PIAS2: variants seen among roughly 807,000 people sequenced by gnomAD.
PIAS2 encodes E3 SUMO-protein ligase PIAS2.
In PIAS2, 19 loss-of-function variants were observed where a neutral mutation model predicts 69.7. That is an observed-to-expected ratio of 0.27 (90% CI 0.19 to 0.40). The LOEUF is 0.40. PIAS2 is among the 10% of genes least tolerant of loss of function. The pLI, the probability that PIAS2 is intolerant of heterozygous loss-of-function variation, is 1.00. For synonymous variants in PIAS2, 261 were observed against 263.2 expected (o/e 0.99, Z 0.08); for missense variants, 624 against 757.0 (o/e 0.82, Z 2.06).
At chr18:46,875,792 C>T (rs1183910563) in intron 2 of PIAS2, among the ~76,000 whole-genome samples, 3 of 152,274 alleles carry the variant, frequency 2.0e-5, no homozygotes, top group East Asian at 1.9e-4. Context: ...TTGTGCGCAC[C>T]GCAGGCCAGA....
At chr18:46,857,339 C>T (rs949117552) in intron 3 of PIAS2, among the ~76,000 whole-genome samples, 1 of 152,074 alleles carries the variant, frequency 6.6e-6, no homozygotes, top group Non-Finnish European at 1.5e-5. Context: ...AAATACAACA[C>T]CTAAAATAAA....
Position 46,832,729 on chromosome 18 carries a change from A to G in PIAS2, c.1203-2862T>C, listed in dbSNP as rs185865432. On this transcript the variant is annotated intron_variant, in intron 9 of 13. Coordinates refer to ENST00000585916, the MANE Select transcript of PIAS2 (RefSeq NM_004671.5). ...ACTATGGCGAAACCCCATCTCTACT[A>G]AAGACACAAAAAATTAGCCAAGCGT... Among the ~76,000 whole-genome samples the G allele has an allele frequency of 3.4e-3, 519 of 151,822 alleles. 1 individual carries two copies. The highest frequency in any genetic ancestry group is 0.01 in the Middle Eastern group (3 of 290).
Position 46,845,715 on chromosome 18 carries a change from C to T in PIAS2, c.862-876G>A, listed in dbSNP as rs896616215. The stretch of plus-strand genomic sequence containing the variant: ...ATAAACATCATACTTTTAATAGCTG[C>T]CAAACCAAGTATTTTAAATATTTTT... On this transcript the variant is annotated intron_variant, in intron 6 of 13. Transcript: ENST00000585916. Among the ~76,000 whole-genome samples the T allele has an allele frequency of 4.6e-5, 7 of 151,716 alleles. No individual in the cohort carries two copies. In the East Asian group the frequency reaches 7.7e-4, roughly 17 times the overall value.
intron 1 of PIAS2, among the ~76,000 whole-genome samples, chr18:46,897,857 C>A (rs1409001695): frequency 6.6e-6 from 1 of 151,238 alleles, no homozygotes; most frequent in African/African-American, 2.4e-5. Flanking sequence ...CTAGATAATA[C>A]AAGGCAATAT....
upstream of PIAS2, among the ~76,000 whole-genome samples, chr18:46,918,665 G>A (rs1568958954): frequency 6.6e-6 from 1 of 152,182 alleles, no homozygotes; most frequent in South Asian, 2.1e-4. Context: ...CAGGTGATCC[G>A]CCCGCCTCGG....
chr18:46,902,151 C>A (rs1018609323), intron 1 of PIAS2, among the ~76,000 whole-genome samples: 2 of 151,528 alleles, frequency 1.3e-5, no homozygotes, highest in Non-Finnish European at 2.9e-5. Context: ...AAAAACATCA[C>A]CATTTATAAC....
upstream of PIAS2, among the ~76,000 whole-genome samples, chr18:46,918,599 T>C (rs1182661886): frequency 6.6e-6 from 1 of 152,134 alleles, no homozygotes; most frequent in African/African-American, 2.4e-5. Flanking sequence ...CGATTGTATT[T>C]TTGGTAGAAA....
intron 5 of PIAS2, among the ~76,000 whole-genome samples, chr18:46,854,845 C>T (rs1016984366): frequency 1.3e-5 from 2 of 152,156 alleles, no homozygotes; most frequent in Non-Finnish European, 2.9e-5. Flanking sequence ...ACAGGCCAGG[C>T]CCAGCTAATG....
At position 46,890,568 on chromosome 18, in the gene PIAS2, TCAAA is replaced by T; in HGVS notation, c.499+8_499+11del. ...ATCTTGTTCAGAAGAAACTGAATTC[TCAAA>T]CACTTACCTAAACTCGTGGGCTTGA... On this transcript the variant is annotated splice_region_variant and intron_variant, in intron 2 of 13. Coordinates refer to ENST00000585916, the MANE Select transcript of PIAS2 (RefSeq NM_004671.5). 6.5e-7 allele frequency: 1 copy of T among 1,545,208 alleles called. No homozygotes were observed. Among genetic ancestry groups the T allele is most frequent in the Non-Finnish European group, 8.9e-7 (1 of 1,122,374 alleles).
In PIAS2 at chr18:46,893,955, G is replaced by A. The variant is rs144272228; in HGVS notation, c.25-2901C>T. Among the ~76,000 whole-genome samples the A allele has an allele frequency of 3.5e-4, 53 of 152,074 alleles. No individual in the cohort carries two copies. In the East Asian group the frequency reaches 6.6e-3, roughly 19 times the overall value. The stretch of plus-strand genomic sequence containing the variant: ...AGCCTGACCAACATGGTGAAACCCC[G>A]TCTCTACTAAAATTACAAAAATTAG... On this transcript the variant is annotated intron_variant, in intron 1 of 13. Transcript: ENST00000585916.
chr18:46,868,391 TC>T (rs1295398810), intron 2 of PIAS2, among the ~76,000 whole-genome samples: 1 of 152,078 alleles, frequency 6.6e-6, no homozygotes, highest in African/African-American at 2.4e-5. Context: ...TTCTGTAAGC[TC>T]CCCCTCTTGC....
chr18:46,907,506 A>AG (rs2056765215), intron 1 of PIAS2: 1 of 152,252 alleles, frequency 6.6e-6, no homozygotes, highest in Admixed American at 6.5e-5. Flanking sequence ...CAAACGAAAC[A>AG]GAAAAAAAGG....
At chr18:46,911,788 G>A (rs74340805) in intron 1 of PIAS2, among the ~76,000 whole-genome samples, 8,628 of 152,272 alleles carry the variant, frequency 0.057, 533 homozygotes, top group African/African-American at 0.15. Flanking sequence ...GCTCATGCCT[G>A]TAATCCCACC....
At chr18:46,827,899 C>A in intron 11 of PIAS2, 60 bp downstream of exon 11, 1 of 1,378,372 alleles carries the variant, frequency 7.3e-7, no homozygotes, top group Non-Finnish European at 1.0e-6. Flanking sequence ...ATTTATAAAT[C>A]TATCCAAGAG....
At chr18:46,835,305 C>T (rs541628853) in intron 9 of PIAS2, among the ~76,000 whole-genome samples, 1 of 152,256 alleles carries the variant, frequency 6.6e-6, no homozygotes, top group Admixed American at 6.5e-5. Flanking sequence ...ATGGGAGGTT[C>T]TTTGTGCTAG....
At position 46,862,342 on chromosome 18, in the gene PIAS2, A is replaced by C. The variant is rs140685129; in HGVS notation, c.584+1822T>G. ...AGAGCGAGACTCTGTCTCAAAAAAA[A>C]AATTATGTAATTAAGTACAGAATTT... On this transcript the variant is annotated intron_variant, in intron 3 of 13. Transcript: ENST00000585916. 3.1e-4 allele frequency among the ~76,000 whole-genome samples: 47 copies of C among 152,314 alleles called. No homozygotes were observed. The East Asian group carries it at 8.1e-3, about 26-fold the overall frequency.
intron 1 of PIAS2, among the ~76,000 whole-genome samples, chr18:46,903,936 T>A (rs1418529031): frequency 6.6e-6 from 1 of 152,208 alleles, no homozygotes; most frequent in Non-Finnish European, 1.5e-5. Flanking sequence ...TTTCCAGAAT[T>A]ATGCTGAATG....
At chr18:46,873,830 A>G (rs2050741115) in intron 2 of PIAS2, among the ~76,000 whole-genome samples, 1 of 152,160 alleles carries the variant, frequency 6.6e-6, no homozygotes, top group South Asian at 2.1e-4. Context: ...CAAATAGCCA[A>G]ACAAGCTGCC....
chr18:46,905,740 G>A (rs1353167689), intron 1 of PIAS2: 1 of 152,096 alleles, frequency 6.6e-6, no homozygotes, highest in Non-Finnish European at 1.5e-5. Flanking sequence ...ACTAAAACAG[G>A]TTTGAAACTT....
Sources: allele counts gnomAD v4.1 joint callset (sites outside exome capture counted in the v4.1 genomes callset), GRCh38; gene constraint gnomAD v4.1.1; transcripts MANE v1.5; gene names NCBI Gene and HGNC (gene_info 2026-07-23, HGNC 2026-07-21).